STIM2: variants seen among roughly 807,000 people sequenced by gnomAD.
STIM2 encodes stromal interaction molecule 2.
Under a neutral mutation model 85.8 loss-of-function variants are expected in STIM2, and 31 were observed. That is an observed-to-expected ratio of 0.36 (90% CI 0.27 to 0.49). The LOEUF (loss-of-function observed/expected upper bound fraction) is 0.49. Among genes scored for constraint, STIM2 ranks in the 20% least tolerant of loss-of-function variants. STIM2 has a pLI of 0.98. For missense variants in STIM2, 841 were observed against 927.6 expected, an observed-to-expected ratio of 0.91 and a Z score of 1.21; for synonymous variants, 356 against 331.1, an observed-to-expected ratio of 1.08 and a Z score of -0.82.
At chr4:26,994,456 C>T (rs1727883647) in intron 3 of STIM2, among the ~76,000 whole-genome samples, 1 of 152,046 alleles carries the variant, frequency 6.6e-6, no homozygotes, top group East Asian at 1.9e-4. Context: ...CTACTACTAT[C>T]ATAGTCTAAG....
At chr4:27,015,721 A>G (rs888572751) in intron 10 of STIM2, among the ~76,000 whole-genome samples, 3 of 151,270 alleles carry the variant, frequency 2.0e-5, no homozygotes, top group Non-Finnish European at 4.4e-5. Flanking sequence ...TGATTGCTTG[A>G]AAAATATTCT....
intron 10 of STIM2, among the ~76,000 whole-genome samples, chr4:27,015,214 C>A (rs1302621965): frequency 6.6e-6 from 1 of 151,990 alleles, no homozygotes; most frequent in Non-Finnish European, 1.5e-5. Context: ...CTGTTTTTCA[C>A]ACCTTTTATC....
At chr4:27,003,169 C>A in intron 7 of STIM2, 65 bp downstream of exon 7, 1 of 1,460,676 alleles carries the variant, frequency 6.8e-7, no homozygotes, top group East Asian at 2.7e-5. Context: ...GGAGCCAGGT[C>A]CTGTTTTTCT....
At position 27,022,755 on chromosome 4, in the gene STIM2, C is replaced by G. The variant is rs1159026783; in HGVS notation, c.2000C>G (p.Ala667Gly). Reference sequence around the variant, plus strand: ...ACTAAGAGTATGATCTTCAGTCCTGCAAGCAAAGTGTACAATGGCATTTTG... The same window carrying G: ...ACTAAGAGTATGATCTTCAGTCCTGGAAGCAAAGTGTACAATGGCATTTTG... The change falls in exon 12 of 12, where the codon GCA becomes GGA. Residue 667 changes from alanine (A) to glycine (G), a missense_variant. Ala to Gly is a moderately conservative substitution (Grantham distance 60). Coordinates refer to ENST00000467087, the MANE Select transcript of STIM2 (RefSeq NM_020860.4). The G allele has an allele frequency of 6.2e-7, 1 of 1,614,096 alleles. No individual in the cohort carries two copies. The highest frequency in any genetic ancestry group is 2.2e-5 in the East Asian group (1 of 44,886).
intron 2 of STIM2, among the ~76,000 whole-genome samples, chr4:26,945,719 A>T (rs1357994798): frequency 2.6e-5 from 4 of 151,892 alleles, no homozygotes; most frequent in Admixed American, 1.3e-4. Context: ...AGCTTTTTTC[A>T]TATGCTTGTT....
chr4:27,012,447 A>T lies in STIM2; in HGVS notation c.1489+3445A>T, dbSNP rs916748176. On this transcript the variant is annotated intron_variant, in intron 10 of 11. Transcript: ENST00000467087. ...TCTCTGTGCAGGTCTTGCTTTTTTT[A>T]AAAAAAGATTAATTTTAGGTACCTT... Among the ~76,000 whole-genome samples, 8 of 25,384 alleles carry T rather than the reference A, an allele frequency of 3.2e-4. No homozygotes were observed. In the Admixed American group the frequency reaches 3.3e-3, roughly 11 times the overall value. The allele number at this position is 25,384 out of a possible 152,430, so 16.7% of individuals were successfully genotyped here.
intron 2 of STIM2, among the ~76,000 whole-genome samples, chr4:26,940,483 A>T (rs1404265262): frequency 6.6e-6 from 1 of 152,152 alleles, no homozygotes; most frequent in Non-Finnish European, 1.5e-5. Context: ...AGAAAGTCTC[A>T]TGCTGGACCC....
chr4:26,866,111 G>A (rs539197332), intron 1 of STIM2, among the ~76,000 whole-genome samples: 109 of 151,912 alleles, frequency 7.2e-4, no homozygotes, highest in Non-Finnish European at 1.4e-3. Context: ...AGTTACCAAC[G>A]ATCTTGTCAC....
intron 11 of STIM2, chr4:27,019,437 G>A (rs1029144131): frequency 1.8e-5 from 23 of 1,289,666 alleles, no homozygotes; most frequent in Non-Finnish European, 2.2e-5. Context: ...TTTACTGACA[G>A]AACTGGTCTT....
rs1360901827 is a variant in STIM2 at position 26,919,683 on chromosome 4, G to A, written c.282+49G>A. On this transcript the variant is annotated intron_variant, in intron 2 of 11. Transcript: ENST00000467087. ...GCTATTGTCTTAGAACAGAATGACT[G>A]CATTTCTGTTTCTGGTCTTCAATTT... 3 of 1,585,720 alleles carry A rather than the reference G, an allele frequency of 1.9e-6. No homozygotes were observed. The Admixed American group carries it at 5.4e-5, about 29-fold the overall frequency.
intron 1 of STIM2, among the ~76,000 whole-genome samples, chr4:26,901,489 AAAAACATTTATTAC>A (rs762799397): frequency 6.6e-5 from 10 of 152,132 alleles, no homozygotes; most frequent in Non-Finnish European, 1.5e-4. Flanking sequence ...ATTTTCTTTT[AAAAACATTTATTAC>A]ATATCCTCAT....
At chr4:26,943,954 T>C (rs1210630802) in intron 2 of STIM2, among the ~76,000 whole-genome samples, 1 of 152,030 alleles carries the variant, frequency 6.6e-6, no homozygotes, top group South Asian at 2.1e-4. Context: ...TATCTTGGAG[T>C]TCTTTTTTTT....
intron 3 of STIM2, among the ~76,000 whole-genome samples, chr4:26,959,265 C>G (rs1291195378): frequency 4.6e-5 from 7 of 152,152 alleles, no homozygotes; most frequent in African/African-American, 2.4e-5. Flanking sequence ...TCACTGTGCT[C>G]CATTCATTCT....
intron 1 of STIM2, among the ~76,000 whole-genome samples, chr4:26,899,364 A>G (rs1399481131): frequency 6.6e-6 from 1 of 152,144 alleles, no homozygotes. Context: ...ATGTTCATGA[A>G]TGAGGCTGGC....
chr4:26,929,904 A>G (rs574939163), intron 2 of STIM2, among the ~76,000 whole-genome samples: 19 of 152,216 alleles, frequency 1.2e-4, no homozygotes, highest in Non-Finnish European at 2.2e-4. Flanking sequence ...GTAATGTTCT[A>G]TAGGGTGGCA....
At chr4:26,956,017 G>A (rs763263829) in intron 2 of STIM2, among the ~76,000 whole-genome samples, 8 of 152,080 alleles carry the variant, frequency 5.3e-5, no homozygotes, top group South Asian at 2.1e-4. Flanking sequence ...GCAGAATTTG[G>A]TGTTTTGTCT....
intron 1 of STIM2, among the ~76,000 whole-genome samples, chr4:26,885,929 A>ATTCCAT (rs1461422107): frequency 6.8e-6 from 1 of 146,620 alleles, no homozygotes; most frequent in African/African-American, 2.5e-5. Flanking sequence ...TTACTGAGAC[A>ATTCCAT]TTCCATTATG....
intron 1 of STIM2, among the ~76,000 whole-genome samples, chr4:26,893,917 C>A (rs1028230206): frequency 5.9e-5 from 9 of 152,094 alleles, no homozygotes; most frequent in Middle Eastern, 3.4e-3. Context: ...GAGACAGAGT[C>A]TTGTTGTGTC....
intron 1 of STIM2, among the ~76,000 whole-genome samples, chr4:26,885,857 A>ATATATATGTGTATATATATATATATATG (rs1723214701): frequency 1.5e-5 from 1 of 67,816 alleles, no homozygotes; most frequent in Non-Finnish European, 3.0e-5. Flanking sequence ...ATATATATAT[A>ATATATATGTGTATATATATATATATATG]TATATATATA....
Sources: allele counts gnomAD v4.1 joint callset (sites outside exome capture counted in the v4.1 genomes callset), GRCh38; gene constraint gnomAD v4.1.1; transcripts MANE v1.5; gene names NCBI Gene and HGNC (gene_info 2026-07-23, HGNC 2026-07-21).